The following LYN variants were observed in gnomAD, a reference collection of about 807,000 sequenced individuals.
LYN encodes the protein tyrosine-protein kinase Lyn.
LYN carries 12 observed loss-of-function variants against 65.0 expected under a neutral mutation model. The observed-to-expected ratio is 0.18, with a 90% CI of 0.12 to 0.30. The LOEUF (loss-of-function observed/expected upper bound fraction) is 0.30, where lower values mean the gene tolerates loss of function less well. Ranked by LOEUF, LYN falls within the 10% of genes least tolerant of loss-of-function variation. The probability of loss-of-function intolerance (pLI) is 1.00; values close to 1 mark genes in which losing one functional copy is unlikely to be tolerated. For missense variants in LYN, 380 were observed against 623.2 expected (o/e 0.61, Z 4.16); for synonymous variants, 222 against 221.2 (o/e 1.00, Z -0.03).
intron 1 of LYN, among the ~76,000 whole-genome samples, chr8:55,881,596 T>C (rs1474694129): frequency 2.6e-5 from 4 of 152,138 alleles, no homozygotes; most frequent in African/African-American, 4.8e-5. Context: ...TGGATGTAAA[T>C]GTGTGGCCCT....
chr8:55,996,734 A>G (rs566050751), intron 10 of LYN, among the ~76,000 whole-genome samples: 5 of 152,040 alleles, frequency 3.3e-5, no homozygotes, highest in African/African-American at 9.7e-5. Context: ...TGACTTTGGA[A>G]CGATACTACA....
At chr8:55,942,313 ATATATG>A (rs1251869484) in intron 2 of LYN, among the ~76,000 whole-genome samples, 50 of 145,200 alleles carry the variant, frequency 3.4e-4, no homozygotes, top group African/African-American at 1.2e-3. Context: ...ATATATGTGT[ATATATG>A]TATATATATG....
chr8:55,882,913 A>C (rs1475093132), intron 1 of LYN, among the ~76,000 whole-genome samples: 1 of 152,206 alleles, frequency 6.6e-6, no homozygotes, highest in Non-Finnish European at 1.5e-5. Flanking sequence ...CTCAATTACA[A>C]ATGCCTCTCA....
chr8:56,005,638 A>G (rs1465219080), intron 12 of LYN, among the ~76,000 whole-genome samples: 2 of 152,214 alleles, frequency 1.3e-5, no homozygotes, highest in African/African-American at 4.8e-5. Flanking sequence ...ATCATCAGAG[A>G]TGGAGTTTAA....
chr8:55,982,972 C>T (rs975362956), intron 10 of LYN, among the ~76,000 whole-genome samples: 9 of 152,100 alleles, frequency 5.9e-5, no homozygotes, highest in Non-Finnish European at 1.2e-4. Context: ...CTCTCCTCCC[C>T]TAGCTTGGAG....
In LYN at chr8:56,010,757, A is replaced by G. The variant is rs543192499; in HGVS notation, c.*647A>G. ...GACATGCCATAGGAGTGGCGTGCACATCTCTCTCTCTTCCAGCAGGAGGAG... is the reference window on the plus strand; with the variant it reads ...GACATGCCATAGGAGTGGCGTGCACGTCTCTCTCTCTTCCAGCAGGAGGAG... On this transcript the variant is annotated 3_prime_UTR_variant, in exon 13 of 13. Transcript: ENST00000519728. The G allele has an allele frequency of 7.0e-5, 16 of 230,050 alleles. No homozygotes were observed. The highest frequency in any genetic ancestry group is 3.3e-4 in the African/African-American group (15 of 45,194). The allele number at this position is 230,050 out of a possible 1,614,324, so 14.3% of individuals were successfully genotyped here. A position where few individuals can be genotyped will look rare whatever the true frequency, so the allele number is the denominator to read the frequency against.
chr8:55,981,090 T>C (rs1158727111), intron 10 of LYN, among the ~76,000 whole-genome samples: 1 of 151,814 alleles, frequency 6.6e-6, no homozygotes, highest in Non-Finnish European at 1.5e-5. Context: ...GACTGATTCC[T>C]CAGCACTGAG....
intron 1 of LYN, among the ~76,000 whole-genome samples, chr8:55,937,704 T>C (rs1201703224): frequency 6.6e-6 from 1 of 152,210 alleles, no homozygotes; most frequent in Non-Finnish European, 1.5e-5. Flanking sequence ...TGTTTTGTTT[T>C]GTTTTTTTGA....
intron 1 of LYN, among the ~76,000 whole-genome samples, chr8:55,914,541 C>T (rs1423727905): frequency 6.6e-6 from 1 of 152,160 alleles, no homozygotes. Context: ...GGGTAGGTCA[C>T]AGCCCTGCCG....
At chr8:55,940,260 A>G (rs1806569122) in intron 1 of LYN, 1 of 152,254 alleles carries the variant, frequency 6.6e-6, no homozygotes, top group Admixed American at 6.5e-5. Flanking sequence ...TACACATCAC[A>G]TGGGGAGCAG....
rs117695240 is a variant in LYN at position 56,005,295 on chromosome 8, C to T, written c.1337-4613C>T. ...CTCAAGGTCCATGCATGGTGTGGCC[C>T]ATGTCTTCAGTCTTTCTTCTCACTC... On this transcript the variant is annotated intron_variant, in intron 12 of 12. Transcript: ENST00000519728. 2.0e-4 allele frequency among the ~76,000 whole-genome samples: 30 copies of T among 152,306 alleles called. 1 individual carries two copies. The East Asian group carries it at 5.8e-3, about 29-fold the overall frequency.
chr8:55,969,857 T>C (rs1488808952), intron 10 of LYN, 64 bp downstream of exon 10: 2 of 1,366,816 alleles, frequency 1.5e-6, no homozygotes, highest in African/African-American at 1.4e-5. Context: ...GTCAAATTCA[T>C]GAAGGAGTTA....
At chr8:55,937,333 AT>A (rs1215086292) in intron 1 of LYN, among the ~76,000 whole-genome samples, 34 of 152,288 alleles carry the variant, frequency 2.2e-4, no homozygotes, top group African/African-American at 8.2e-4. Context: ...AAAAACCGCA[AT>A]TACTTTTGCA....
At chr8:55,938,120 G>A (rs938686537) in intron 1 of LYN, among the ~76,000 whole-genome samples, 4 of 152,106 alleles carry the variant, frequency 2.6e-5, no homozygotes, top group African/African-American at 9.7e-5. Flanking sequence ...CACCCCTAAT[G>A]GATATTCATT....
intron 8 of LYN, 41 bp from the exon 9 acceptor site, chr8:55,966,674 T>G: frequency 6.3e-7 from 1 of 1,587,140 alleles, no homozygotes; most frequent in Non-Finnish European, 8.6e-7. Flanking sequence ...GGCTAGATTT[T>G]CTGTTTTATA....
At chr8:55,942,134 CT>C in intron 2 of LYN, 143 bp downstream of exon 2, 1 of 830,088 alleles carries the variant, frequency 1.2e-6, no homozygotes, top group Non-Finnish European at 1.9e-6. Flanking sequence ...TGCTTTGTAA[CT>C]TTATCCTTTG....
At chr8:55,993,751 A>T (rs565139844) in intron 10 of LYN, among the ~76,000 whole-genome samples, 1 of 152,346 alleles carries the variant, frequency 6.6e-6, no homozygotes, top group East Asian at 1.9e-4. Context: ...ATATCCATCT[A>T]CCTACCCACC....
chr8:55,887,014 G>A (rs757363979), intron 1 of LYN, among the ~76,000 whole-genome samples: 7 of 152,130 alleles, frequency 4.6e-5, no homozygotes, highest in Non-Finnish European at 7.4e-5. Flanking sequence ...CCCTTCCAAC[G>A]TACAGAGATG....
At chr8:55,948,140 A>G (rs1386067261) in intron 4 of LYN, among the ~76,000 whole-genome samples, 1 of 152,100 alleles carries the variant, frequency 6.6e-6, no homozygotes, top group African/African-American at 2.4e-5. Flanking sequence ...GGCCTGGCTA[A>G]TTTTTAAAAT....
Sources: gnomAD v4.1 joint callset for allele counts (sites outside exome capture counted in the v4.1 genomes callset) on GRCh38, gnomAD v4.1.1 for gene constraint, MANE v1.5 for transcripts, NCBI Gene and HGNC (gene_info 2026-07-23, HGNC 2026-07-21) for gene names.